The following KAT6B variants were observed in gnomAD, a reference collection of about 807,000 sequenced individuals.
The protein encoded by KAT6B is lysine acetyltransferase 6B.
A neutral mutation model predicts 187.5 loss-of-function variants in KAT6B; 10 were observed. The observed-to-expected ratio is 0.05, with a 90% CI of 0.03 to 0.09. The LOEUF (loss-of-function observed/expected upper bound fraction) is 0.09, where lower values mean the gene tolerates loss of function less well. Ranked by LOEUF, KAT6B falls within the 10% of genes least tolerant of loss-of-function variation. The pLI is 1.00. For missense variants in KAT6B, 1,952 were observed against 2,558.9 expected, an observed-to-expected ratio of 0.76 and a Z score of 5.12; for synonymous variants, 861 against 926.8, an observed-to-expected ratio of 0.93 and a Z score of 1.29.
intron 13 of KAT6B, among the ~76,000 whole-genome samples, chr10:74,990,588 C>A (rs1843072578): frequency 6.6e-6 from 1 of 152,100 alleles, no homozygotes; most frequent in Non-Finnish European, 1.5e-5. Context: ...CTAGTCTTAT[C>A]TATACTTTCC....
chr10:74,978,310 A>G (rs909705937), intron 9 of KAT6B, among the ~76,000 whole-genome samples: 1 of 152,162 alleles, frequency 6.6e-6, no homozygotes, highest in Non-Finnish European at 1.5e-5. Flanking sequence ...TCCCCCAGTT[A>G]TTAAGGTTGG....
At chr10:74,976,760 C>G in intron 8 of KAT6B, 1 of 295,428 alleles carries the variant, frequency 3.4e-6, no homozygotes, top group Non-Finnish European at 6.5e-6. Flanking sequence ...CCATTGCTTT[C>G]TCATGACAAA....
intron 3 of KAT6B, among the ~76,000 whole-genome samples, chr10:74,906,150 A>G (rs1846744356): frequency 6.6e-6 from 1 of 152,214 alleles, no homozygotes; most frequent in South Asian, 2.1e-4. Flanking sequence ...CTGAAATCCC[A>G]GCACTTTGGG....
intron 8 of KAT6B, chr10:74,976,615 T>C (rs1049182426): frequency 3.6e-5 from 17 of 476,854 alleles, no homozygotes; most frequent in African/African-American, 3.1e-4. Flanking sequence ...TGCTTATGGC[T>C]TTGTAGTCCC....
intron 3 of KAT6B, among the ~76,000 whole-genome samples, chr10:74,958,788 C>T (rs1589704715): frequency 6.6e-6 from 1 of 151,924 alleles, no homozygotes; most frequent in South Asian, 2.1e-4. Flanking sequence ...GCCTGTAATC[C>T]CAGCACTTTG....
At chr10:74,876,180 T>C (rs1334054049) in intron 3 of KAT6B, among the ~76,000 whole-genome samples, 1 of 152,188 alleles carries the variant, frequency 6.6e-6, no homozygotes, top group Non-Finnish European at 1.5e-5. Flanking sequence ...TGAAGAGCTC[T>C]GAAATTGTAA....
intron 13 of KAT6B, among the ~76,000 whole-genome samples, chr10:75,005,258 C>A (rs1411110751): frequency 6.6e-6 from 1 of 151,106 alleles, no homozygotes; most frequent in Non-Finnish European, 1.5e-5. Context: ...TGCTCTGTTG[C>A]CCAGGCTGAA....
rs377321963 is a variant in KAT6B at position 75,021,981 on chromosome 10, C to G, written c.3122C>G (p.Ser1041Trp). The G allele has an allele frequency of 3.1e-6, 5 of 1,613,930 alleles. No individual in the cohort carries two copies. Among genetic ancestry groups the G allele is most frequent in the Non-Finnish European group, 4.2e-6 (5 of 1,180,022 alleles). ...NSRQSPAKVQ[S>W]KNKYLHSPES... ...AGGCAATCACCTGCAAAAGTACAAT[C>G]GAAAAATAAATATTTGCATTCCCCG... The change falls in exon 16 of 18, where the codon TCG (serine) becomes TGG (tryptophan). Residue 1041 changes from serine to tryptophan, a missense_variant. Around this residue, in one of 9 missense-constraint regions of KAT6B, gnomAD observed 758 missense variants for 891.4 expected, o/e 0.85. Coordinates refer to ENST00000287239, the MANE Select transcript of KAT6B (RefSeq NM_012330.4).
At chr10:74,837,328 C>T (rs536182314) in intron 1 of KAT6B, among the ~76,000 whole-genome samples, 5 of 152,170 alleles carry the variant, frequency 3.3e-5, no homozygotes, top group East Asian at 1.9e-4. Flanking sequence ...GATTCACAAC[C>T]TTAGAAAATA....
At chr10:74,907,895 T>G (rs996369994) in intron 3 of KAT6B, among the ~76,000 whole-genome samples, 13 of 152,160 alleles carry the variant, frequency 8.5e-5, no homozygotes, top group Admixed American at 2.0e-4. Flanking sequence ...AATTACTGAT[T>G]GTTATGTTTT....
chr10:74,960,850 G>GT (rs1841050744), intron 4 of KAT6B, among the ~76,000 whole-genome samples: 1 of 152,172 alleles, frequency 6.6e-6, no homozygotes, highest in African/African-American at 2.4e-5. Flanking sequence ...CAGTGTTATG[G>GT]TTTAGCATGT....
chr10:74,967,002 C>T (rs911925355), intron 4 of KAT6B, among the ~76,000 whole-genome samples: 1 of 152,004 alleles, frequency 6.6e-6, no homozygotes, highest in Non-Finnish European at 1.5e-5. Context: ...CGCACTCCAG[C>T]CTGGGCAACA....
intron 3 of KAT6B, among the ~76,000 whole-genome samples, chr10:74,943,567 A>G (rs1257414380): frequency 3.3e-5 from 5 of 152,216 alleles, no homozygotes; most frequent in African/African-American, 1.2e-4. Context: ...AATCTCAACA[A>G]ATGATCCTGG....
intron 3 of KAT6B, among the ~76,000 whole-genome samples, chr10:74,909,058 AATGGCC>A (rs1221753916): frequency 6.6e-6 from 1 of 152,202 alleles, no homozygotes; most frequent in Admixed American, 6.5e-5. Context: ...AATAGTTAGA[AATGGCC>A]ATCTTAGCCT....
rs752325846 is a variant in KAT6B, at chr10:75,007,780, A to G, written c.2630-12802A>G. Reference sequence around the variant, plus strand: ...ATCTTAAAATGGGAGGTGACATCCTATGGTATCTTAGTGCTTGGGTTTTTG... The same window carrying G: ...ATCTTAAAATGGGAGGTGACATCCTGTGGTATCTTAGTGCTTGGGTTTTTG... On this transcript the variant is annotated intron_variant, in intron 13 of 17. Coordinates refer to ENST00000287239, the MANE Select transcript of KAT6B (RefSeq NM_012330.4). Among the ~76,000 whole-genome samples the G allele has an allele frequency of 4.9e-4, 74 of 152,162 alleles. 1 individual carries two copies. Among genetic ancestry groups the G allele is most frequent in the Non-Finnish European group, 9.0e-4 (61 of 68,042 alleles).
intron 3 of KAT6B, among the ~76,000 whole-genome samples, chr10:74,887,599 A>G (rs775079250): frequency 2.6e-5 from 4 of 152,086 alleles, no homozygotes; most frequent in Admixed American, 6.5e-5. Flanking sequence ...TGCTGAGATT[A>G]CAAGTGTGAG....
At chr10:75,028,342 C>T in intron 17 of KAT6B, 147 bp from the exon 18 acceptor site, 1 of 1,177,666 alleles carries the variant, frequency 8.5e-7, no homozygotes, top group Non-Finnish European at 1.2e-6. Context: ...TACACATTAG[C>T]CTTGATTATG....
At chr10:74,896,749 A>T (rs1203150379) in intron 3 of KAT6B, among the ~76,000 whole-genome samples, 1 of 152,248 alleles carries the variant, frequency 6.6e-6, no homozygotes, top group Non-Finnish European at 1.5e-5. Flanking sequence ...TTATGAACTT[A>T]CATTGGGTTG....
intron 3 of KAT6B, among the ~76,000 whole-genome samples, chr10:74,947,059 G>T (rs1009676948): frequency 3.3e-5 from 5 of 152,108 alleles, no homozygotes; most frequent in African/African-American, 7.2e-5. Flanking sequence ...GAGTTCAGTG[G>T]CACGATCTTG....
Sources: allele counts gnomAD v4.1 joint callset (sites outside exome capture counted in the v4.1 genomes callset), GRCh38; gene constraint gnomAD v4.1.1; regional missense constraint gnomAD v4.1.1; transcripts MANE v1.5; gene names NCBI Gene and HGNC (gene_info 2026-07-23, HGNC 2026-07-21).